SAFB2: variants seen among roughly 807,000 people sequenced by gnomAD.
SAFB2 encodes the protein scaffold attachment factor B2.
Under a neutral mutation model 100.6 loss-of-function variants are expected in SAFB2, and 32 were observed. The observed-to-expected ratio is 0.32, with a 90% CI of 0.24 to 0.43. The LOEUF is 0.43. Among genes scored for constraint, SAFB2 ranks in the 20% least tolerant of loss-of-function variants. The probability of loss-of-function intolerance (pLI) is 1.00; values close to 1 mark genes in which losing one functional copy is unlikely to be tolerated. For missense variants in SAFB2, 1,185 were observed against 1,163.4 expected, an observed-to-expected ratio of 1.02 and a Z score of -0.27; for synonymous variants, 500 against 439.4, an observed-to-expected ratio of 1.14 and a Z score of -1.72.
chr19:5,620,464 T>C (rs1298989081), intron 2 of SAFB2, among the ~76,000 whole-genome samples: 1 of 152,210 alleles, frequency 6.6e-6, no homozygotes, highest in East Asian at 1.9e-4. Context: ...TTTATGGAAT[T>C]CAATGCTTTC....
rs574410944 is a variant in SAFB2 at position 5,593,807 on chromosome 19, G to T, written c.2207+84C>A. Reference sequence around the variant, plus strand: ...TTCATTCTCCCCACCGACAGGGACGGAAGGGAAGCCGCTGTTCTGCTGGAA... The same window carrying T: ...TTCATTCTCCCCACCGACAGGGACGTAAGGGAAGCCGCTGTTCTGCTGGAA... On this transcript the variant is annotated intron_variant, in intron 15 of 20. Coordinates refer to ENST00000252542, the MANE Select transcript of SAFB2 (RefSeq NM_014649.3). 6 of 1,331,398 alleles carry T rather than the reference G, an allele frequency of 4.5e-6. No homozygotes were observed. In the African/African-American group the frequency reaches 4.7e-5, roughly 10 times the overall value. The allele number at this position is 1,331,398 out of a possible 1,614,324, so 82.5% of individuals were successfully genotyped here. A position where few individuals can be genotyped will look rare whatever the true frequency, so the allele number is the denominator to read the frequency against.
intron 11 of SAFB2, 86 bp from the exon 12 acceptor site, chr19:5,600,346 C>G: frequency 6.5e-7 from 1 of 1,539,710 alleles, no homozygotes; most frequent in Non-Finnish European, 8.7e-7. Context: ...CACACATACT[C>G]AGACGTCCAC....
chr19:5,616,638 G>GTTT, intron 2 of SAFB2, 152 bp from the exon 3 acceptor site: 2 of 144,320 alleles, frequency 1.4e-5, no homozygotes, highest in South Asian at 1.3e-4. Context: ...GTCTCAATTT[G>GTTT]TTTTCTTTTT....
Position 5,599,981 on chromosome 19 carries a change from T to A in SAFB2, c.1690+149A>T, listed in dbSNP as rs535513218. ...ATGGACACTCCTTTAAGCCATTTCA[T>A]CAACAGACTCTTGTTTCTTTAACAC... On this transcript the variant is annotated intron_variant, in intron 12 of 20. Transcript: ENST00000252542. 3.7e-5 allele frequency: 30 copies of A among 804,976 alleles called. 1 individual carries two copies. In the South Asian group the frequency reaches 5.3e-4, roughly 14 times the overall value. The allele number at this position is 804,976 out of a possible 1,614,324, so 49.9% of individuals were successfully genotyped here. A position where few individuals can be genotyped will look rare whatever the true frequency, so the allele number is the denominator to read the frequency against.
At chr19:5,608,534 G>A (rs749954587) in intron 9 of SAFB2, among the ~76,000 whole-genome samples, 7 of 152,104 alleles carry the variant, frequency 4.6e-5, no homozygotes, top group Admixed American at 6.6e-5. Flanking sequence ...CGCTTTCTCC[G>A]GGTCCTGTCC....
Position 5,594,036 on chromosome 19 carries a change from C to G in SAFB2, c.2062G>C (p.Glu688Gln). Reference protein sequence around the residue: ...ERERMERERLERERMRVERER... With the variant: ...ERERMERERLQRERMRVERER... The stretch of plus-strand genomic sequence containing the variant: ...CGCTCCACGCGCATGCGCTCGCGCT[C>G]CAGCCGCTCCCGCTCCATGCGCTCC... The change falls in exon 15 of 21, where the codon GAG becomes CAG. Residue 688 changes from glutamate to glutamine, a missense_variant. By Grantham distance (29) the Glu-to-Gln change is conservative. Around this residue, in one of 3 missense-constraint regions of SAFB2, gnomAD observed 740 missense variants for 687.1 expected, o/e 1.08. Coordinates refer to ENST00000252542, the MANE Select transcript of SAFB2 (RefSeq NM_014649.3). The G allele has an allele frequency of 1.3e-6, 2 of 1,577,844 alleles. No individual in the cohort carries two copies. Among genetic ancestry groups the G allele is most frequent in the Non-Finnish European group, 1.7e-6 (2 of 1,168,496 alleles).
At chr19:5,612,366 C>T (rs1218239452) in intron 6 of SAFB2, 174 bp downstream of exon 6, 13 of 647,220 alleles carry the variant, frequency 2.0e-5, no homozygotes, top group Non-Finnish European at 3.3e-5. Flanking sequence ...CAGAATGGCT[C>T]TTCCACAGAT....
At chr19:5,604,517 G>C in intron 11 of SAFB2, 66 bp downstream of exon 11, 1 of 1,192,264 alleles carries the variant, frequency 8.4e-7, no homozygotes, top group African/African-American at 1.5e-5. Flanking sequence ...GTTTTTCAAG[G>C]CCCATGGTGG....
intron 18 of SAFB2, 148 bp downstream of exon 18, chr19:5,590,130 G>A (rs1599223296): frequency 3.0e-6 from 2 of 671,684 alleles, no homozygotes; most frequent in East Asian, 6.6e-5. Context: ...GACTTTCTGA[G>A]TCAGGGGTTT....
At chr19:5,605,001 C>T (rs753909680) in intron 9 of SAFB2, 65 bp from the exon 10 acceptor site, 74 of 1,547,790 alleles carry the variant, frequency 4.8e-5, no homozygotes, top group Non-Finnish European at 5.7e-5. Flanking sequence ...AAAGTTATTA[C>T]CTGGCAATCA....
intron 15 of SAFB2, among the ~76,000 whole-genome samples, chr19:5,593,397 G>A (rs1476276262): frequency 6.6e-6 from 1 of 152,186 alleles, no homozygotes; most frequent in Admixed American, 6.5e-5. Context: ...AGAGCGGGGT[G>A]AAGGGTGACT....
chr19:5,605,109 T>A (rs187835601), intron 9 of SAFB2, among the ~76,000 whole-genome samples, 173 bp from the exon 10 acceptor site: 20 of 151,986 alleles, frequency 1.3e-4, no homozygotes, highest in African/African-American at 4.6e-4. Context: ...CAAATACAAT[T>A]GCTTTTTTTT....
At chr19:5,588,389 A>G in intron 18 of SAFB2, among the ~76,000 whole-genome samples, 1 of 152,134 alleles carries the variant, frequency 6.6e-6, no homozygotes, top group East Asian at 1.9e-4. Context: ...GACCCAGCAA[A>G]CCCATTCCTA....
At chr19:5,612,093 T>C (rs2052920791) in intron 6 of SAFB2, 1 of 321,050 alleles carries the variant, frequency 3.1e-6, no homozygotes, top group Non-Finnish European at 5.9e-6. Flanking sequence ...AGGGGAATAA[T>C]ATGTTGAAAA....
In SAFB2 at chr19:5,612,366, C is replaced by G; in HGVS notation, c.634+174G>C. 3 of 647,338 alleles carry G rather than the reference C, an allele frequency of 4.6e-6. No individual in the cohort carries two copies. The South Asian group carries it at 5.6e-5, about 12-fold the overall frequency. The allele number at this position is 647,338 out of a possible 1,614,324, so 40.1% of individuals were successfully genotyped here. On this transcript the variant is annotated intron_variant, in intron 6 of 20. Coordinates refer to ENST00000252542, the MANE Select transcript of SAFB2 (RefSeq NM_014649.3). ...TTGACCTCAAGAAGCCAGAATGGCT[C>G]TTCCACAGATCTGGTGATACGAATG...
At position 5,613,466 on chromosome 19, in the gene SAFB2, G is replaced by A. The variant is rs371499049; in HGVS notation, c.605C>T (p.Pro202Leu). Residue 202 changes from proline (P) to leucine (L), a missense_variant and splice_region_variant, in exon 5 of 21, where the codon CCG becomes CTG. By Grantham distance (98) the Pro-to-Leu change is moderately conservative (BLOSUM62 -3). Coordinates refer to ENST00000252542, the MANE Select transcript of SAFB2 (RefSeq NM_014649.3). ...ATGCAGAACCAGATGGTAACTTACCGGAGTTACTTTGAAGTTCAACGATGA... is the reference window on the plus strand; with the variant it reads ...ATGCAGAACCAGATGGTAACTTACCAGAGTTACTTTGAAGTTCAACGATGA... ...ETSSLNFKVTPDIEESLLEPE... is the reference protein window; with the variant it reads ...ETSSLNFKVTLDIEESLLEPE... 8.0e-5 allele frequency: 129 copies of A among 1,611,560 alleles called. No individual in the cohort carries two copies. The highest frequency in any genetic ancestry group is 5.9e-4 in the Admixed American group (35 of 59,742).
intron 13 of SAFB2, among the ~76,000 whole-genome samples, chr19:5,598,318 G>A (rs890327841): frequency 3.3e-5 from 5 of 152,118 alleles, no homozygotes; most frequent in African/African-American, 4.8e-5. Flanking sequence ...ACGCTATTTC[G>A]TCTAGTTGTG....
chr19:5,593,797 G>A (rs1397721651), intron 15 of SAFB2, 94 bp downstream of exon 15: 15 of 1,282,190 alleles, frequency 1.2e-5, no homozygotes, highest in South Asian at 3.4e-5. Flanking sequence ...TCTCCCCACC[G>A]ACAGGGACGG....
At chr19:5,605,578 G>A (rs1353946181) in intron 9 of SAFB2, among the ~76,000 whole-genome samples, 1 of 152,162 alleles carries the variant, frequency 6.6e-6, no homozygotes, top group Admixed American at 6.5e-5. Flanking sequence ...GGGCTACTAA[G>A]AAATGCACCC....
Sources: gnomAD v4.1 joint callset for allele counts (sites outside exome capture counted in the v4.1 genomes callset) on GRCh38, gnomAD v4.1.1 for gene constraint, gnomAD v4.1.1 regional missense constraint, MANE v1.5 for transcripts, NCBI Gene and HGNC (gene_info 2026-07-23, HGNC 2026-07-21) for gene names.